CDKL4: variants seen among roughly 807,000 people sequenced by gnomAD.
CDKL4 encodes cyclin dependent kinase like 4, also known as cyclin-dependent kinase-like 4.
A neutral mutation model predicts 42.0 loss-of-function variants in CDKL4; 44 were observed. That is an observed-to-expected ratio of 1.05 (90% CI 0.82 to 1.35). CDKL4 has a LOEUF of 1.35. Among genes scored for constraint, CDKL4 ranks in the 40% most tolerant of loss-of-function variants. The pLI, the probability that CDKL4 is intolerant of heterozygous loss-of-function variation, is 0.00. For synonymous variants in CDKL4, 120 were observed against 121.6 expected, an observed-to-expected ratio of 0.99 and a Z score of 0.09; for missense variants, 393 against 369.9, an observed-to-expected ratio of 1.06 and a Z score of -0.51.
At chr2:39,184,501 T>C in intron 8 of CDKL4, 90 bp downstream of exon 8, 1 of 802,358 alleles carries the variant, frequency 1.2e-6, no homozygotes, top group African/African-American at 1.7e-5. Context: ...ATTTTGGCAT[T>C]ATTTAATCCA....
At chr2:39,191,201 C>A (rs1676159025) in intron 5 of CDKL4, among the ~76,000 whole-genome samples, 1 of 152,088 alleles carries the variant, frequency 6.6e-6, no homozygotes, top group Non-Finnish European at 1.5e-5. Context: ...GAGTTTGAGA[C>A]CAGCCTGGGC....
chr2:39,179,940 T>C (rs1156357611), intron 8 of CDKL4, among the ~76,000 whole-genome samples: 3 of 152,170 alleles, frequency 2.0e-5, no homozygotes, highest in Non-Finnish European at 4.4e-5. Flanking sequence ...GACCCTTCTA[T>C]ATTTGAGACC....
chr2:39,192,150 C>T (rs745977879), intron 5 of CDKL4, among the ~76,000 whole-genome samples: 7 of 152,178 alleles, frequency 4.6e-5, no homozygotes, highest in Admixed American at 2.0e-4. Context: ...CAACCACTAA[C>T]AATTTTCACT....
At chr2:39,219,839 T>C (rs1678191443) in intron 3 of CDKL4, among the ~76,000 whole-genome samples, 1 of 152,112 alleles carries the variant, frequency 6.6e-6, no homozygotes. Context: ...GTAACAGACA[T>C]GTGAGGTGGT....
At chr2:39,243,735 A>G (rs1471553497) in intron 1 of CDKL4, among the ~76,000 whole-genome samples, 136 bp downstream of exon 1, 1 of 152,242 alleles carries the variant, frequency 6.6e-6, no homozygotes, top group Non-Finnish European at 1.5e-5. Context: ...CCGAAGCGGA[A>G]GGCGGTCCCG....
chr2:39,185,387 CATGTATATATACATATGTGTATAT>C (rs1675734997), intron 7 of CDKL4, among the ~76,000 whole-genome samples: 1 of 3,170 alleles, frequency 3.2e-4, no homozygotes, highest in Non-Finnish European at 1.6e-3. Flanking sequence ...TGTATATATA[CATGTATATATACATATGTGTATAT>C]ATACATATAT....
chr2:39,243,914 A>ACAGCCC (rs1255620164), exon 1 of CDKL4, among the ~76,000 whole-genome samples: 1 of 152,226 alleles, frequency 6.6e-6, no homozygotes, highest in Non-Finnish European at 1.5e-5. Flanking sequence ...GCAGCGCCGA[A>ACAGCCC]CAGCCCCAGC....
the CDKL4 span, among the ~76,000 whole-genome samples, chr2:39,169,987 C>T: frequency 2.0e-5 from 3 of 152,080 alleles, no homozygotes; most frequent in Non-Finnish European, 4.4e-5. Flanking sequence ...CCTCCCACTT[C>T]AGCCTCCCAA....
chr2:39,225,972 T>G lies in CDKL4; in HGVS notation c.169-12A>C. 2 of 1,606,154 alleles carry G rather than the reference T, an allele frequency of 1.2e-6. No individual in the cohort carries two copies. The highest frequency in any genetic ancestry group is 1.7e-6 in the Non-Finnish European group (2 of 1,177,276). ...GGATGTTTTAATTGCTGTGAAAGAA[T>G]TGAAATGCAAAGTTAAGTGATCTGT... is the stretch of plus-strand genomic sequence containing the variant. On this transcript the variant is annotated splice_polypyrimidine_tract_variant and intron_variant, in intron 2 of 9. Coordinates refer to ENST00000451199, the Ensembl canonical transcript of CDKL4.
chr2:39,198,606 T>A (rs958627985), intron 5 of CDKL4, among the ~76,000 whole-genome samples: 5 of 151,720 alleles, frequency 3.3e-5, no homozygotes, highest in East Asian at 1.9e-4. Flanking sequence ...AATAAAAAAA[T>A]TTAAGAAAAT....
At chr2:39,190,144 C>G (rs1461830957) in intron 6 of CDKL4, among the ~76,000 whole-genome samples, 161 bp downstream of exon 6, 1 of 152,180 alleles carries the variant, frequency 6.6e-6, no homozygotes, top group Non-Finnish European at 1.5e-5. Flanking sequence ...AAGGATTGGG[C>G]TTTGGCTACA....
downstream of CDKL4, among the ~76,000 whole-genome samples, chr2:39,170,720 G>T (rs1164482223): frequency 6.6e-6 from 1 of 152,066 alleles, no homozygotes; most frequent in Non-Finnish European, 1.5e-5. Flanking sequence ...CTCCCAAAGT[G>T]CTGGGATTAC....
chr2:39,245,553 C>T (rs984537150), upstream of CDKL4, among the ~76,000 whole-genome samples: 15 of 152,326 alleles, frequency 9.8e-5, no homozygotes, highest in East Asian at 2.3e-3. Context: ...CGGGGCCGAG[C>T]CTGTAGCATC....
intron 1 of CDKL4, among the ~76,000 whole-genome samples, chr2:39,239,426 A>G (rs1478156684): frequency 6.6e-6 from 1 of 152,248 alleles, no homozygotes; most frequent in African/African-American, 2.4e-5. Context: ...AAGCTAAGCC[A>G]CAGACTAAAG....
chr2:39,211,419 A>G (rs566377213), intron 4 of CDKL4, among the ~76,000 whole-genome samples: 5 of 152,268 alleles, frequency 3.3e-5, no homozygotes, highest in Admixed American at 1.3e-4. Flanking sequence ...AGGTACCAGG[A>G]GCCAACTTGA....
At chr2:39,196,471 A>T (rs552626959) in intron 5 of CDKL4, among the ~76,000 whole-genome samples, 167 of 152,312 alleles carry the variant, frequency 1.1e-3, no homozygotes, top group Non-Finnish European at 1.7e-3. Context: ...GGGAAAGGGG[A>T]GAGCACCACA....
At chr2:39,190,607 A>G in intron 5 of CDKL4, 105 bp from the exon 6 acceptor site, 1 of 910,392 alleles carries the variant, frequency 1.1e-6, no homozygotes, top group Non-Finnish European at 1.8e-6. Context: ...AGAGGCCATG[A>G]TACTCTTAAG....
intron 4 of CDKL4, among the ~76,000 whole-genome samples, chr2:39,204,828 AT>A (rs1677066616): frequency 6.6e-6 from 1 of 152,042 alleles, no homozygotes; most frequent in African/African-American, 2.4e-5. Flanking sequence ...TTGTTTTATT[AT>A]TGAAAAAATT....
the CDKL4 span, among the ~76,000 whole-genome samples, chr2:39,170,447 TTTG>T: frequency 0.022 from 3,308 of 151,902 alleles, 42 homozygotes; most frequent in Middle Eastern, 0.027. Context: ...TTTTTAGTTT[TTTG>T]TTGTTGTTGT....
Sources: allele counts gnomAD v4.1 joint callset (sites outside exome capture counted in the v4.1 genomes callset), GRCh38; gene constraint gnomAD v4.1.1; transcripts MANE v1.5; gene names NCBI Gene and HGNC (gene_info 2026-07-23, HGNC 2026-07-21).